The following DTNA variants were observed in gnomAD, a reference collection of about 807,000 sequenced individuals.
The protein encoded by DTNA is dystrophin-related protein 3.
DTNA carries 43 observed loss-of-function variants against 100.7 expected under a neutral mutation model. The ratio of observed to expected loss-of-function variants is 0.43; its 90% CI spans 0.33 to 0.55. The LOEUF is 0.55. DTNA is among the 20% of genes least tolerant of loss of function. The pLI, the probability that DTNA is intolerant of heterozygous loss-of-function variation, is 0.04. For missense variants in DTNA, 798 were observed against 953.9 expected (o/e 0.84, Z 2.15); for synonymous variants, 349 against 347.9 (o/e 1.00, Z -0.04).
intron 1 of DTNA, among the ~76,000 whole-genome samples, chr18:34,629,016 CATAA>C (rs1461875234): frequency 5.9e-5 from 9 of 152,096 alleles, no homozygotes; most frequent in Non-Finnish European, 1.2e-4. Context: ...TTCTTAGTAG[CATAA>C]ATAATTTCAT....
At chr18:34,765,764 T>C (rs2093434459) in intron 2 of DTNA, among the ~76,000 whole-genome samples, 197 bp from the exon 3 acceptor site, 1 of 152,226 alleles carries the variant, frequency 6.6e-6, no homozygotes, top group African/African-American at 2.4e-5. Context: ...ATTACATGTG[T>C]GTGCTCTTTT....
chr18:34,872,238 C>G (rs1396641093), intron 17 of DTNA, among the ~76,000 whole-genome samples: 1 of 152,086 alleles, frequency 6.6e-6, no homozygotes, highest in Non-Finnish European at 1.5e-5. Flanking sequence ...AGCAGAACAG[C>G]CCAGTGCACT....
intron 1 of DTNA, among the ~76,000 whole-genome samples, chr18:34,668,357 T>C (rs2144891042): frequency 6.6e-6 from 1 of 152,326 alleles, no homozygotes; most frequent in South Asian, 2.1e-4. Context: ...TCAATTTTGT[T>C]GATCTTTTCA....
intron 1 of DTNA, among the ~76,000 whole-genome samples, chr18:34,544,595 A>G (rs1360872923): frequency 1.3e-5 from 2 of 152,148 alleles, no homozygotes; most frequent in African/African-American, 2.4e-5. Context: ...AAATTAGAGT[A>G]CATATATTTA....
chr18:34,792,751 C>T (rs2094804711), intron 3 of DTNA, among the ~76,000 whole-genome samples: 1 of 152,192 alleles, frequency 6.6e-6, no homozygotes, highest in African/African-American at 2.4e-5. Flanking sequence ...TACTTTGGAA[C>T]TTTCTTTAAA....
At chr18:34,755,841 C>A in intron 1 of DTNA, 135 bp from the exon 2 acceptor site, 2 of 773,168 alleles carry the variant, frequency 2.6e-6, no homozygotes, top group Non-Finnish European at 4.4e-6. Context: ...TAAAGCTGTA[C>A]TTTTTAAAAC....
intron 1 of DTNA, among the ~76,000 whole-genome samples, chr18:34,641,648 A>G (rs373110292): frequency 9.8e-5 from 15 of 152,334 alleles, no homozygotes; most frequent in African/African-American, 2.9e-4. Flanking sequence ...GATTCAACCT[A>G]TCCCTCCTAT....
At position 34,579,583 on chromosome 18, in the gene DTNA, A is replaced by G. The variant is rs192800731; in HGVS notation, c.-2+86069A>G. 9.8e-5 allele frequency among the ~76,000 whole-genome samples: 15 copies of G among 152,312 alleles called. 1 individual carries two copies. The East Asian group carries it at 1.7e-3, about 18-fold the overall frequency. ...CTAGATTAAGAGTTGCTTTCCTTCA[A>G]TACTTTGCAGATATTGCATCGTCTT... On this transcript the variant is annotated intron_variant, in intron 1 of 19. Coordinates refer to the DTNA transcript ENST00000283365.
intron 1 of DTNA, among the ~76,000 whole-genome samples, chr18:34,559,190 G>A (rs964257790): frequency 1.3e-5 from 2 of 151,882 alleles, no homozygotes; most frequent in African/African-American, 4.8e-5. Context: ...AGATAATTAG[G>A]GCATATTATA....
chr18:34,664,227 C>T (rs113049991), intron 1 of DTNA, among the ~76,000 whole-genome samples: 1 of 152,066 alleles, frequency 6.6e-6, no homozygotes, highest in East Asian at 1.9e-4. Context: ...ATCTGGCTAT[C>T]TTCCATTAAG....
intron 1 of DTNA, among the ~76,000 whole-genome samples, chr18:34,644,587 T>G (rs2059634295): frequency 6.6e-6 from 1 of 152,148 alleles, no homozygotes; most frequent in Non-Finnish European, 1.5e-5. Flanking sequence ...TTGATTTGTA[T>G]ATTTTTAATC....
chr18:34,803,129 G>C (rs947975466), intron 4 of DTNA, among the ~76,000 whole-genome samples: 1 of 152,066 alleles, frequency 6.6e-6, no homozygotes, highest in African/African-American at 2.4e-5. Context: ...TGCTTGCCAC[G>C]ACCTAAATCC....
intron 1 of DTNA, among the ~76,000 whole-genome samples, chr18:34,665,395 T>G (rs1599804652): frequency 6.6e-6 from 1 of 152,144 alleles, no homozygotes; most frequent in African/African-American, 2.4e-5. Flanking sequence ...GATTGGGGTT[T>G]AATGCATATT....
In DTNA at chr18:34,538,777, A is replaced by G. The variant is rs2043966740; in HGVS notation, c.-2+45263A>G. Among the ~76,000 whole-genome samples the G allele has an allele frequency of 2.0e-5, 3 of 152,160 alleles. No individual in the cohort carries two copies. The South Asian group carries it at 6.2e-4, about 31-fold the overall frequency. ...TGAATTCTACATGGTCTAAAGACCT[A>G]AACATAAATCAATTTAAGCATCATA... On this transcript the variant is annotated intron_variant, in intron 1 of 19. Transcript: ENST00000283365.
chr18:34,770,016 T>C (rs78090712), intron 3 of DTNA, among the ~76,000 whole-genome samples: 4,257 of 152,076 alleles, frequency 0.028, 189 homozygotes, highest in African/African-American at 0.096. Flanking sequence ...CCACAACGCC[T>C]GGCCTGGGGC....
At chr18:34,792,272 C>G (rs2094781986) in intron 3 of DTNA, among the ~76,000 whole-genome samples, 1 of 152,050 alleles carries the variant, frequency 6.6e-6, no homozygotes, top group South Asian at 2.1e-4. Context: ...GGTTACAGAT[C>G]CTGCAGTTAA....
At chr18:34,545,015 T>G (rs886140474) in intron 1 of DTNA, among the ~76,000 whole-genome samples, 10 of 152,080 alleles carry the variant, frequency 6.6e-5, no homozygotes, top group African/African-American at 2.4e-4. Context: ...GTAGCTATCC[T>G]TGTCCAGCAA....
rs546511419 is a variant in DTNA, at chr18:34,634,661, A to G, written c.-1-121315A>G. ...TTCAGAAAATTGTGGATATTCTTTTATATAGCACCTAAACTCAAAAAGTGG... is the reference window on the plus strand; with the variant it reads ...TTCAGAAAATTGTGGATATTCTTTTGTATAGCACCTAAACTCAAAAAGTGG... On this transcript the variant is annotated intron_variant, in intron 1 of 19. Coordinates refer to the DTNA transcript ENST00000283365. Among the ~76,000 whole-genome samples the G allele has an allele frequency of 9.2e-5, 14 of 152,272 alleles. No individual in the cohort carries two copies. The South Asian group carries it at 2.9e-3, about 32-fold the overall frequency.
intron 1 of DTNA, among the ~76,000 whole-genome samples, chr18:34,689,483 C>A (rs1485545801): frequency 6.6e-6 from 1 of 152,192 alleles, no homozygotes; most frequent in Non-Finnish European, 1.5e-5. Context: ...GGCTGCAGAA[C>A]AGCAGAGATT....
Sources: gnomAD v4.1 joint callset for allele counts (sites outside exome capture counted in the v4.1 genomes callset) on GRCh38, gnomAD v4.1.1 for gene constraint, MANE v1.5 for transcripts, NCBI Gene and HGNC (gene_info 2026-07-23, HGNC 2026-07-21) for gene names.